Variants in AIG1 observed in about 807,000 individuals in gnomAD.
AIG1 encodes androgen-induced gene 1 protein.
AIG1 carries 23 observed loss-of-function variants against 31.4 expected under a neutral mutation model. The ratio of observed to expected loss-of-function variants is 0.73; its 90% CI spans 0.53 to 1.04. AIG1 has a LOEUF of 1.04. AIG1 is among the 50% of genes least tolerant of loss of function. The probability of loss-of-function intolerance (pLI) is 0.00; values close to 1 mark genes in which losing one functional copy is unlikely to be tolerated. For synonymous variants in AIG1, 100 were observed against 110.5 expected (o/e 0.90, Z 0.60); for missense variants, 274 against 295.0 (o/e 0.93, Z 0.52).
At chr6:143,180,908 G>T (rs1398854306) in intron 3 of AIG1, among the ~76,000 whole-genome samples, 2 of 152,026 alleles carry the variant, frequency 1.3e-5, no homozygotes, top group African/African-American at 4.8e-5. Context: ...TTTGACATTT[G>T]GTAATTACTA....
At chr6:143,336,400 CCCT>C (rs1257680288) in intron 5 of AIG1, among the ~76,000 whole-genome samples, 2 of 152,172 alleles carry the variant, frequency 1.3e-5, no homozygotes, top group Non-Finnish European at 2.9e-5. Context: ...TCTTAAGTGA[CCCT>C]CCAGAACAGG....
intron 1 of AIG1, among the ~76,000 whole-genome samples, chr6:143,102,891 T>C (rs1464737566): frequency 1.3e-5 from 2 of 152,100 alleles, no homozygotes; most frequent in African/African-American, 4.8e-5. Context: ...CTCCATACAA[T>C]GGATTTTTAC....
At chr6:143,128,423 TC>T (rs1782888518) in intron 1 of AIG1, among the ~76,000 whole-genome samples, 1 of 152,178 alleles carries the variant, frequency 6.6e-6, no homozygotes, top group African/African-American at 2.4e-5. Flanking sequence ...GTTGTTCTGA[TC>T]TATTCCTATT....
intron 4 of AIG1, among the ~76,000 whole-genome samples, chr6:143,312,755 A>G (rs1775401308): frequency 6.6e-6 from 1 of 152,122 alleles, no homozygotes; most frequent in Admixed American, 6.5e-5. Context: ...GAAACCATCA[A>G]TAAAGTGAAG....
intron 3 of AIG1, among the ~76,000 whole-genome samples, chr6:143,219,314 C>T (rs1208329837): frequency 6.0e-4 from 92 of 152,132 alleles, no homozygotes; most frequent in Admixed American, 6.0e-3. Flanking sequence ...ATCTATAAAA[C>T]TGCAGTCAGG....
At chr6:143,164,545 A>G (rs1786732034) in intron 2 of AIG1, among the ~76,000 whole-genome samples, 1 of 152,204 alleles carries the variant, frequency 6.6e-6, no homozygotes, top group Non-Finnish European at 1.5e-5. Flanking sequence ...TAGTCTGTAT[A>G]AATTAATACA....
chr6:143,225,796 A>G (rs1424427708), intron 3 of AIG1, among the ~76,000 whole-genome samples: 6 of 152,218 alleles, frequency 3.9e-5, no homozygotes, highest in Non-Finnish European at 8.8e-5. Flanking sequence ...TCCAAACTGT[A>G]TGGGGCAACT....
At chr6:143,343,184 C>A (rs968574742), downstream of AIG1, 29 of 719,102 alleles carry the variant, frequency 4.0e-5, no homozygotes, top group Middle Eastern at 6.3e-4. Flanking sequence ...CCCTACAATC[C>A]ATTAACGCCA....
chr6:143,187,351 C>T (rs1481834510), intron 3 of AIG1: 5 of 1,487,788 alleles, frequency 3.4e-6, no homozygotes, highest in Non-Finnish European at 4.5e-6. Flanking sequence ...TATTTTGCTG[C>T]ATTCCATGGT....
intron 1 of AIG1, among the ~76,000 whole-genome samples, chr6:143,134,872 T>C (rs1783593446): frequency 6.6e-6 from 1 of 152,160 alleles, no homozygotes; most frequent in Non-Finnish European, 1.5e-5. Context: ...AACTGCAGGC[T>C]AATGTGTGTG....
At chr6:143,116,046 C>G (rs1405337753) in intron 1 of AIG1, among the ~76,000 whole-genome samples, 1 of 152,198 alleles carries the variant, frequency 6.6e-6, no homozygotes. Flanking sequence ...TAATCTTTGT[C>G]CTCGAAGGGC....
intron 3 of AIG1, among the ~76,000 whole-genome samples, chr6:143,176,020 C>T (rs1395581126): frequency 1.3e-5 from 2 of 152,122 alleles, no homozygotes; most frequent in Non-Finnish European, 2.9e-5. Flanking sequence ...GGTGCTGTAC[C>T]CCTTCCCCTA....
At chr6:143,125,891 G>A (rs1295521703) in intron 1 of AIG1, among the ~76,000 whole-genome samples, 1 of 152,142 alleles carries the variant, frequency 6.6e-6, no homozygotes, top group Non-Finnish European at 1.5e-5. Context: ...CTTGCCACTG[G>A]TGACTTATGG....
intron 3 of AIG1, among the ~76,000 whole-genome samples, chr6:143,240,688 A>G (rs1184317262): frequency 3.3e-5 from 5 of 152,346 alleles, no homozygotes; most frequent in Non-Finnish European, 5.9e-5. Flanking sequence ...TCTGTCATGA[A>G]CCAAAATCTG....
intron 2 of AIG1, among the ~76,000 whole-genome samples, chr6:143,160,118 C>T (rs1786200101): frequency 1.3e-5 from 2 of 152,194 alleles, no homozygotes; most frequent in African/African-American, 4.8e-5. Flanking sequence ...CCTCTTCCCT[C>T]TGTCCTTCCC....
rs143594393 is a variant in AIG1 at position 143,292,765 on chromosome 6, C to T, written c.515+8540C>T. The stretch of plus-strand genomic sequence containing the variant: ...ACAAAAAAAGCATGATGATAGTGAT[C>T]AGGCAGGATTGCCGTGAGCATCAGA... On this transcript the variant is annotated intron_variant, in intron 4 of 5. Coordinates refer to ENST00000357847, the MANE Select transcript of AIG1 (RefSeq NM_016108.4). This position sits in a 1 kb window ranked among gnomAD's most constrained non-coding sequence, Gnocchi z 4.9. 6.6e-6 allele frequency among the ~76,000 whole-genome samples: 1 copy of T among 152,206 alleles called. No individual in the cohort carries two copies. The highest frequency in any genetic ancestry group is 1.5e-5 in the Non-Finnish European group (1 of 68,034).
At position 143,299,231 on chromosome 6, in the gene AIG1, C is replaced by T. The variant is rs967773358; in HGVS notation, c.515+15006C>T. ...TCCAGGACAGAGCAGTACCACTTCTCCTTAGCATCATGTACAATTTCTTCT... is the reference window on the plus strand; with the variant it reads ...TCCAGGACAGAGCAGTACCACTTCTTCTTAGCATCATGTACAATTTCTTCT... On this transcript the variant is annotated intron_variant, in intron 4 of 5. Coordinates refer to ENST00000357847, the MANE Select transcript of AIG1 (RefSeq NM_016108.4). The surrounding 1 kb of genome is among the most constrained non-coding windows in gnomAD (Gnocchi z 4.1). The T allele has an allele frequency of 2.6e-5, 4 of 152,184 alleles. No individual in the cohort carries two copies. The highest frequency in any genetic ancestry group is 5.9e-5 in the Non-Finnish European group (4 of 68,038). 9.4% of individuals were successfully genotyped at this position (152,184 alleles called of 1,614,324 possible). A position where few individuals can be genotyped will look rare whatever the true frequency, so the allele number is the denominator to read the frequency against.
chr6:143,228,866 CTTTAAA>C (rs1793218420), intron 3 of AIG1, among the ~76,000 whole-genome samples: 1 of 152,194 alleles, frequency 6.6e-6, no homozygotes, highest in Non-Finnish European at 1.5e-5. Context: ...CGCCAACTCA[CTTTAAA>C]TTTAAGAGTT....
chr6:143,115,235 G>A (rs1317271093), intron 1 of AIG1, among the ~76,000 whole-genome samples: 1 of 152,174 alleles, frequency 6.6e-6, no homozygotes, highest in Non-Finnish European at 1.5e-5. Context: ...TGGTCAAAAT[G>A]TATACATATT....
Sources: gnomAD v4.1 joint callset for allele counts (sites outside exome capture counted in the v4.1 genomes callset) on GRCh38, gnomAD v4.1.1 for gene constraint, Gnocchi (gnomAD v3.1) non-coding constraint, MANE v1.5 for transcripts, NCBI Gene and HGNC (gene_info 2026-07-23, HGNC 2026-07-21) for gene names.